CDH20: variants seen among roughly 807,000 people sequenced by gnomAD.
The protein encoded by CDH20 is cadherin-20.
Under a neutral mutation model 74.2 loss-of-function variants are expected in CDH20, and 29 were observed. The ratio of observed to expected loss-of-function variants is 0.39; its 90% confidence interval spans 0.29 to 0.53. The LOEUF (loss-of-function observed/expected upper bound fraction) is 0.53. Ranked by LOEUF, CDH20 falls within the 20% of genes least tolerant of loss-of-function variation. The probability of loss-of-function intolerance (pLI) is 0.69; values close to 1 mark genes in which losing one functional copy is unlikely to be tolerated. For synonymous variants in CDH20, 469 were observed against 405.4 expected, an observed-to-expected ratio of 1.16 and a Z score of -1.88; for missense variants, 988 against 1,048.3, an observed-to-expected ratio of 0.94 and a Z score of 0.79.
intron 1 of CDH20, among the ~76,000 whole-genome samples, chr18:61,434,297 C>A (rs902406814): frequency 4.6e-5 from 7 of 152,082 alleles, no homozygotes; most frequent in Non-Finnish European, 5.9e-5. Flanking sequence ...ATGATAGATA[C>A]CCATTGAACT....
intron 6 of CDH20, among the ~76,000 whole-genome samples, chr18:61,516,901 T>A (rs990874998): frequency 3.9e-5 from 6 of 152,128 alleles, no homozygotes; most frequent in African/African-American, 1.4e-4. Flanking sequence ...TTGAGGGCAA[T>A]GTTTTGTTTC....
chr18:61,445,239 G>C (rs77713550), intron 1 of CDH20, among the ~76,000 whole-genome samples: 8,913 of 151,878 alleles, frequency 0.059, 288 homozygotes, highest in Middle Eastern at 0.13. Context: ...GTCACTATGT[G>C]GTGTCTTACA....
chr18:61,486,128 C>T (rs183941386), intron 1 of CDH20, among the ~76,000 whole-genome samples: 1 of 152,282 alleles, frequency 6.6e-6, no homozygotes, highest in South Asian at 2.1e-4. Flanking sequence ...TAAAATCCTT[C>T]TGTATAGAGT....
intron 1 of CDH20, among the ~76,000 whole-genome samples, chr18:61,337,762 T>C (rs149789731): frequency 6.6e-6 from 1 of 152,302 alleles, no homozygotes; most frequent in Admixed American, 6.5e-5. Context: ...TAAGGGACTA[T>C]ACACAGCATT....
intron 1 of CDH20, among the ~76,000 whole-genome samples, chr18:61,420,997 G>A (rs534320212): frequency 1.3e-5 from 2 of 152,286 alleles, no homozygotes; most frequent in South Asian, 4.1e-4. Context: ...GTTGCAGGGA[G>A]CTGAGATTGC....
At chr18:61,339,522 G>T (rs1909868265) in intron 1 of CDH20, among the ~76,000 whole-genome samples, 1 of 151,820 alleles carries the variant, frequency 6.6e-6, no homozygotes. Flanking sequence ...AGCCCCCAGT[G>T]TCTACTCTTT....
intron 1 of CDH20, among the ~76,000 whole-genome samples, chr18:61,453,603 T>C (rs1402232661): frequency 7.2e-5 from 11 of 152,206 alleles, no homozygotes; most frequent in Admixed American, 7.2e-4. Flanking sequence ...ATATTTGCTT[T>C]TTCACTCAGC....
intron 1 of CDH20, among the ~76,000 whole-genome samples, chr18:61,342,269 A>T (rs1303045642): frequency 6.6e-6 from 1 of 152,210 alleles, no homozygotes; most frequent in Non-Finnish European, 1.5e-5. Flanking sequence ...AATAACCGCC[A>T]TTTATTTAGC....
intron 1 of CDH20, among the ~76,000 whole-genome samples, chr18:61,395,349 C>G (rs886570664): frequency 2.6e-5 from 4 of 152,098 alleles, no homozygotes; most frequent in African/African-American, 9.7e-5. Flanking sequence ...TAGTGCAGTG[C>G]CTGGTACTTG....
chr18:61,519,334 G>T (rs1912111136), intron 6 of CDH20, among the ~76,000 whole-genome samples: 1 of 151,090 alleles, frequency 6.6e-6, no homozygotes, highest in South Asian at 2.1e-4. Flanking sequence ...ATTCACCAAG[G>T]TTGAAATGAA....
At chr18:61,381,608 GA>G (rs764139389) in intron 1 of CDH20, among the ~76,000 whole-genome samples, 1 of 152,180 alleles carries the variant, frequency 6.6e-6, no homozygotes, top group Non-Finnish European at 1.5e-5. Context: ...TGTTCTATGG[GA>G]AAGTAATTTC....
At chr18:61,488,192 C>T (rs1910835476) in intron 1 of CDH20, among the ~76,000 whole-genome samples, 1 of 152,000 alleles carries the variant, frequency 6.6e-6, no homozygotes, top group Non-Finnish European at 1.5e-5. Context: ...ATAGCTAGCC[C>T]TTGATTAAAT....
chr18:61,408,988 G>A (rs1021666580), intron 1 of CDH20, among the ~76,000 whole-genome samples: 1 of 152,088 alleles, frequency 6.6e-6, no homozygotes, highest in Non-Finnish European at 1.5e-5. Context: ...CAACTTAAAA[G>A]TAAGCACAAA....
chr18:61,532,509 C>A (rs1599151439), intron 7 of CDH20, among the ~76,000 whole-genome samples: 1 of 146,408 alleles, frequency 6.8e-6, no homozygotes, highest in African/African-American at 2.5e-5. Context: ...ATATGCACAA[C>A]TGTATACATG....
Position 61,507,412 on chromosome 18 carries a change from G to C in CDH20, c.869G>C (p.Ser290Thr), listed in dbSNP as rs1470426740. The change falls in exon 6 of 12, where the codon AGC becomes ACC. Residue 290 changes from serine (S) to threonine (T), a missense_variant. By Grantham distance (58) the Ser-to-Thr change is moderately conservative. Transcript: ENST00000262717. ...AGTGTGTTGGAATCAGCTCCAATTAGCTCCACTGTCGGGAGAGTGTTTGCC... is the reference window on the plus strand; with the variant it reads ...AGTGTGTTGGAATCAGCTCCAATTACCTCCACTGTCGGGAGAGTGTTTGCC... ...QMSVLESAPI[S>T]STVGRVFAKD... 3.1e-6 allele frequency: 5 copies of C among 1,614,062 alleles called. No individual in the cohort carries two copies. In the East Asian group the frequency reaches 1.1e-4, roughly 36 times the overall value.
At chr18:61,411,777 T>C (rs932993804) in intron 1 of CDH20, among the ~76,000 whole-genome samples, 1 of 152,046 alleles carries the variant, frequency 6.6e-6, no homozygotes, top group African/African-American at 2.4e-5. Flanking sequence ...CCAAATATCA[T>C]ATGTGGGAAC....
intron 1 of CDH20, among the ~76,000 whole-genome samples, chr18:61,474,592 C>A (rs1342201144): frequency 6.6e-6 from 1 of 152,176 alleles, no homozygotes; most frequent in Non-Finnish European, 1.5e-5. Flanking sequence ...CCAAGATTCT[C>A]TTCAAGATGA....
In CDH20 at chr18:61,413,413, C is replaced by T. The variant is rs552448442; in HGVS notation, c.-152-76989C>T. ...TTCAGCTGCTATATAGAAAAATACT[C>T]GCTTTCAATATGAAAGCTCAGCAGC... On this transcript the variant is annotated intron_variant, in intron 1 of 11. Transcript: ENST00000262717. 3.9e-5 allele frequency among the ~76,000 whole-genome samples: 6 copies of T among 152,206 alleles called. No individual in the cohort carries two copies. The South Asian group carries it at 1.2e-3, about 31-fold the overall frequency.
chr18:61,458,653 A>T (rs949670933), intron 1 of CDH20, among the ~76,000 whole-genome samples: 1 of 152,192 alleles, frequency 6.6e-6, no homozygotes, highest in African/African-American at 2.4e-5. Context: ...AACAGACGCT[A>T]AAGGGCCCTA....
Sources: allele counts gnomAD v4.1 joint callset (sites outside exome capture counted in the v4.1 genomes callset), GRCh38; gene constraint gnomAD v4.1.1; transcripts MANE v1.5; gene names NCBI Gene and HGNC (gene_info 2026-07-23, HGNC 2026-07-21).